The following SLC12A6 variants were observed in gnomAD, a reference collection of about 807,000 sequenced individuals.
The protein encoded by SLC12A6 is solute carrier family 12 member 6.
Under a neutral mutation model 135.3 loss-of-function variants are expected in SLC12A6, and 66 were observed. The observed-to-expected ratio is 0.49, with a 90% CI of 0.40 to 0.60. The LOEUF is 0.60. Ranked by LOEUF, SLC12A6 falls within the 20% of genes least tolerant of loss-of-function variation. SLC12A6 has a pLI of 0.00. For missense variants in SLC12A6, 1,058 were observed against 1,452.3 expected, an observed-to-expected ratio of 0.73 and a Z score of 4.41; for synonymous variants, 513 against 508.8, an observed-to-expected ratio of 1.01 and a Z score of -0.11.
intron 2 of SLC12A6, among the ~76,000 whole-genome samples, chr15:34,285,475 AG>A (rs1748700149): frequency 6.6e-6 from 1 of 151,680 alleles, no homozygotes; most frequent in African/African-American, 2.4e-5. Flanking sequence ...ACAGAGAGCT[AG>A]CAATCGAATT....
chr15:34,234,753 G>A (rs568512249), intron 25 of SLC12A6, among the ~76,000 whole-genome samples: 17 of 152,276 alleles, frequency 1.1e-4, no homozygotes, highest in African/African-American at 3.9e-4. Context: ...TATCCCAGGA[G>A]TCCTGGGATG....
At chr15:34,254,789 A>C (rs571291490) in intron 8 of SLC12A6, among the ~76,000 whole-genome samples, 200 bp from the exon 9 acceptor site, 1 of 148,192 alleles carries the variant, frequency 6.7e-6, no homozygotes, top group African/African-American at 2.5e-5. Context: ...TTTGGTCTAC[A>C]TGCTGTTCTG....
In SLC12A6 at chr15:34,229,897, G is replaced by T; in HGVS notation, c.*3984C>A. Reference sequence around the variant, plus strand: ...TTAAACTAATCACTTATGTTAAAAAGAACCAAAAGACTCTTTTCTCCATGG... The same window carrying T: ...TTAAACTAATCACTTATGTTAAAAATAACCAAAAGACTCTTTTCTCCATGG... On this transcript the variant is annotated 3_prime_UTR_variant, in exon 26 of 26. Transcript: ENST00000354181. 1 of 1,040,644 alleles carries T rather than the reference G, an allele frequency of 9.6e-7. No homozygotes were observed. Among genetic ancestry groups the T allele is most frequent in the South Asian group, 1.3e-5 (1 of 76,944 alleles). The allele number at this position is 1,040,644 out of a possible 1,614,324, so 64.5% of individuals were successfully genotyped here.
intron 13 of SLC12A6, among the ~76,000 whole-genome samples, chr15:34,249,616 T>C (rs1892250222): frequency 1.3e-5 from 2 of 152,026 alleles, no homozygotes; most frequent in African/African-American, 4.8e-5. Context: ...GAACAGAATA[T>C]GAAGAAAGTA....
intron 1 of SLC12A6, chr15:34,337,054 C>G (rs1890247759): frequency 3.0e-6 from 1 of 334,054 alleles, no homozygotes; most frequent in Non-Finnish European, 5.7e-6. Flanking sequence ...CCTCCCTCCC[C>G]TCAGCCCCCA....
chr15:34,243,158 C>T (rs1891765098), intron 16 of SLC12A6, among the ~76,000 whole-genome samples: 2 of 152,038 alleles, frequency 1.3e-5, no homozygotes, highest in South Asian at 2.1e-4. Flanking sequence ...TCCCAAAGTG[C>T]TGGGATTACA....
intron 16 of SLC12A6, 78 bp downstream of exon 16, chr15:34,243,896 C>T (rs750564187): frequency 3.3e-6 from 3 of 902,474 alleles, no homozygotes; most frequent in South Asian, 1.3e-5. Flanking sequence ...TATCGAGAAC[C>T]CAGACTCTCC....
chr15:34,250,002 T>C (rs907589802), intron 13 of SLC12A6, among the ~76,000 whole-genome samples: 16 of 152,312 alleles, frequency 1.1e-4, no homozygotes, highest in African/African-American at 3.8e-4. Flanking sequence ...CTTCCCAGGC[T>C]TAAGTGATCC....
intron 4 of SLC12A6, among the ~76,000 whole-genome samples, chr15:34,260,350 C>A (rs1021752780): frequency 6.6e-6 from 1 of 152,190 alleles, no homozygotes; most frequent in Non-Finnish European, 1.5e-5. Flanking sequence ...GCTCTGCCTC[C>A]CGGGTGCATG....
intron 2 of SLC12A6, among the ~76,000 whole-genome samples, chr15:34,330,203 T>C (rs1277541350): frequency 1.3e-5 from 2 of 152,134 alleles, no homozygotes; most frequent in East Asian, 3.9e-4. Flanking sequence ...GTAACAGCTT[T>C]CCCTCTCTTC....
At chr15:34,261,621 C>G (rs12592091) in intron 3 of SLC12A6, among the ~76,000 whole-genome samples, 1 of 152,096 alleles carries the variant, frequency 6.6e-6, no homozygotes, top group African/African-American at 2.4e-5. Flanking sequence ...TTAAAGTCAC[C>G]TAAGTTTAGG....
Position 34,233,759 on chromosome 15 carries a change from C to T in SLC12A6, c.*122G>A, listed in dbSNP as rs1252154244. 2 of 716,752 alleles carry T rather than the reference C, an allele frequency of 2.8e-6. No individual in the cohort carries two copies. The highest frequency in any genetic ancestry group is 3.5e-5 in the African/African-American group (2 of 57,526). The allele number at this position is 716,752 out of a possible 1,614,324, so 44.4% of individuals were successfully genotyped here. Reference sequence around the variant, plus strand: ...CTTGAGGCTCAGCTCATCAAGAGTTCAGTATGATGTGTACAGAACACAGGC... The same window carrying T: ...CTTGAGGCTCAGCTCATCAAGAGTTTAGTATGATGTGTACAGAACACAGGC... On this transcript the variant is annotated 3_prime_UTR_variant, in exon 26 of 26. Coordinates refer to ENST00000354181, the MANE Select transcript of SLC12A6 (RefSeq NM_001365088.1).
At chr15:34,260,162 A>C (rs916326443) in intron 4 of SLC12A6, among the ~76,000 whole-genome samples, 1 of 152,218 alleles carries the variant, frequency 6.6e-6, no homozygotes, top group Non-Finnish European at 1.5e-5. Flanking sequence ...AATGCATACA[A>C]ATATCAAAAT....
chr15:34,236,452 T>G (rs1482168507), intron 23 of SLC12A6, among the ~76,000 whole-genome samples: 1 of 152,134 alleles, frequency 6.6e-6, no homozygotes, highest in Non-Finnish European at 1.5e-5. Context: ...TTTAAGCACT[T>G]CTCTGCCTCA....
chr15:34,278,683 G>A (rs1163504901), intron 2 of SLC12A6, among the ~76,000 whole-genome samples: 2 of 151,808 alleles, frequency 1.3e-5, no homozygotes, highest in African/African-American at 4.8e-5. Context: ...GCAATTTTCT[G>A]CCTCATCCTC....
At chr15:34,307,925 A>C (rs1887847325) in intron 2 of SLC12A6, among the ~76,000 whole-genome samples, 1 of 152,224 alleles carries the variant, frequency 6.6e-6, no homozygotes, top group Admixed American at 6.5e-5. Context: ...ACAGGAAAAT[A>C]AATGAGATCT....
chr15:34,302,836 G>A (rs544251844), intron 2 of SLC12A6, among the ~76,000 whole-genome samples: 1 of 151,748 alleles, frequency 6.6e-6, no homozygotes, highest in Admixed American at 6.6e-5. Context: ...TATAGTCCCA[G>A]CTACTTGGGA....
At chr15:34,326,545 A>T (rs1487341631) in intron 2 of SLC12A6, among the ~76,000 whole-genome samples, 1 of 152,194 alleles carries the variant, frequency 6.6e-6, no homozygotes, top group Non-Finnish European at 1.5e-5. Context: ...AATGTAACTA[A>T]ATCAATAACT....
intron 2 of SLC12A6, among the ~76,000 whole-genome samples, chr15:34,285,702 G>T (rs1271956491): frequency 1.2e-3 from 1 of 834 alleles, no homozygotes; most frequent in Non-Finnish European, 2.1e-3. Flanking sequence ...ATGTGTGTGT[G>T]TGTGTGTGTG....
Sources: allele counts gnomAD v4.1 joint callset (sites outside exome capture counted in the v4.1 genomes callset), GRCh38; gene constraint gnomAD v4.1.1; transcripts MANE v1.5; gene names NCBI Gene and HGNC (gene_info 2026-07-23, HGNC 2026-07-21).